Variants in COL12A1 observed in about 807,000 individuals in gnomAD.
COL12A1 encodes collagen alpha-1(XII) chain.
In COL12A1, 114 loss-of-function variants were observed where a neutral mutation model predicts 349.7. The observed-to-expected ratio is 0.33, with a 90% CI of 0.28 to 0.38. The LOEUF is 0.38. Ranked by LOEUF, COL12A1 falls within the 10% of genes least tolerant of loss-of-function variation. The probability of loss-of-function intolerance (pLI) is 1.00; values close to 1 mark genes in which losing one functional copy is unlikely to be tolerated. For missense variants in COL12A1, 3,284 were observed against 3,756.9 expected, an observed-to-expected ratio of 0.87 and a Z score of 3.29; for synonymous variants, 1,369 against 1,329.0, an observed-to-expected ratio of 1.03 and a Z score of -0.66.
intron 49 of COL12A1, 31 bp downstream of exon 49, chr6:75,115,753 G>T: frequency 6.4e-7 from 1 of 1,568,592 alleles, no homozygotes; most frequent in Non-Finnish European, 8.6e-7. Flanking sequence ...CAGGTCTTAA[G>T]AAAAGGAAAA....
chr6:75,189,124 A>T, intron 7 of COL12A1, 93 bp downstream of exon 7: 2 of 1,341,332 alleles, frequency 1.5e-6, no homozygotes, highest in Non-Finnish European at 2.0e-6. Flanking sequence ...TTCTAATAGC[A>T]TCCTTCCTTG....
chr6:75,134,072 C>G (rs1192283527), intron 32 of COL12A1, 75 bp from the exon 33 acceptor site: 2 of 1,495,398 alleles, frequency 1.3e-6, no homozygotes, highest in Non-Finnish European at 1.8e-6. Context: ...TCACTGATAT[C>G]TCCCAGGCAC....
At position 75,095,045 on chromosome 6, in the gene COL12A1, A is replaced by G; in HGVS notation, c.8649+63T>C. 4 of 1,403,466 alleles carry G rather than the reference A, an allele frequency of 2.9e-6. No individual in the cohort carries two copies. In the South Asian group the frequency reaches 3.5e-5, roughly 12 times the overall value. 86.9% of individuals were successfully genotyped at this position (1,403,466 alleles called of 1,614,324 possible). A position where few individuals can be genotyped will look rare whatever the true frequency, so the allele number is the denominator to read the frequency against. ...TAACCTAAATATAACAAAGCTTTGC[A>G]GTTCTCATTATTTATTTCCACGGTG... is the stretch of plus-strand genomic sequence containing the variant. On this transcript the variant is annotated intron_variant, in intron 60 of 65. Transcript: ENST00000322507.
chr6:75,097,133 G>A, intron 59 of COL12A1, 120 bp downstream of exon 59: 1 of 624,220 alleles, frequency 1.6e-6, no homozygotes, highest in Non-Finnish European at 2.7e-6. Context: ...TAAAAACACA[G>A]TTCCCTCAAT....
intron 39 of COL12A1, 95 bp downstream of exon 39, chr6:75,126,256 C>T: frequency 4.2e-6 from 6 of 1,413,554 alleles, no homozygotes; most frequent in Non-Finnish European, 5.7e-6. Context: ...TCTGAACTCT[C>T]AGGAGAACCC....
At chr6:75,173,175 G>A (rs1768727458) in intron 13 of COL12A1, among the ~76,000 whole-genome samples, 1 of 152,152 alleles carries the variant, frequency 6.6e-6, no homozygotes, top group Non-Finnish European at 1.5e-5. Context: ...GAAAGAGGGA[G>A]GATAATCATC....
chr6:75,118,252 C>T (rs185665163), intron 46 of COL12A1, among the ~76,000 whole-genome samples: 3 of 152,086 alleles, frequency 2.0e-5, no homozygotes, highest in East Asian at 3.9e-4. Context: ...AATGGCAATA[C>T]ATTTTATAAA....
chr6:75,175,199 G>T lies in COL12A1; in HGVS notation c.2549C>A (p.Pro850Gln). 3 of 1,614,128 alleles carry T rather than the reference G, an allele frequency of 1.9e-6. No individual in the cohort carries two copies. Among genetic ancestry groups the T allele is most frequent in the Non-Finnish European group, 2.5e-6 (3 of 1,180,022 alleles). Residue 850 changes from proline to glutamine, a missense_variant, in exon 13 of 66, where the codon CCA (proline) becomes CAA (glutamine). Physicochemically the swap from Pro to Gln is moderately conservative, Grantham distance 76. Around this residue, in one of 2 missense-constraint regions of COL12A1, gnomAD observed 2,601 missense variants for 2,824.8 expected, o/e 0.92. Transcript: ENST00000322507. ...CTCTTGAGTTTCACCCCCTGCCACTGGGGTATATGTGACGAGATACTGTTT... is the reference window on the plus strand; with the variant it reads ...CTCTTGAGTTTCACCCCCTGCCACTTGGGTATATGTGACGAGATACTGTTT... ...KVKQYLVTYTPVAGGETQEVT... is the reference protein window; with the variant it reads ...KVKQYLVTYTQVAGGETQEVT...
At chr6:75,170,249 G>A (rs1292355971) in intron 13 of COL12A1, among the ~76,000 whole-genome samples, 4 of 152,130 alleles carry the variant, frequency 2.6e-5, no homozygotes, top group Non-Finnish European at 4.4e-5. Context: ...GTTCCAGCCA[G>A]CTTTCATTGA....
At chr6:75,181,352 T>C (rs1299101674) in intron 10 of COL12A1, 141 bp from the exon 11 acceptor site, 2 of 795,960 alleles carry the variant, frequency 2.5e-6, no homozygotes, top group Non-Finnish European at 3.9e-6. Flanking sequence ...GGGTATCTCA[T>C]CTACATTTGA....
chr6:75,132,117 T>A (rs1766330468), intron 34 of COL12A1, 35 bp from the exon 35 acceptor site: 1 of 1,610,590 alleles, frequency 6.2e-7, no homozygotes, highest in Non-Finnish European at 8.5e-7. Flanking sequence ...ATTTTTTAAG[T>A]CTGTTTATAT....
chr6:75,132,157 A>T, intron 34 of COL12A1, 75 bp from the exon 35 acceptor site: 1 of 1,521,272 alleles, frequency 6.6e-7, no homozygotes. Flanking sequence ...CTTTTCCAGA[A>T]CCTACATTCT....
At chr6:75,142,527 C>T (rs1464859600) in intron 26 of COL12A1, among the ~76,000 whole-genome samples, 5 of 152,206 alleles carry the variant, frequency 3.3e-5, no homozygotes, top group Admixed American at 2.6e-4. Flanking sequence ...GTGAGATCCA[C>T]TGGCCATTGT....
chr6:75,174,392 T>TA (rs1768804634), intron 13 of COL12A1, among the ~76,000 whole-genome samples: 1 of 152,040 alleles, frequency 6.6e-6, no homozygotes, highest in Non-Finnish European at 1.5e-5. Context: ...CCGTCCCTAC[T>TA]AAAAATACAA....
At chr6:75,088,961 A>G in intron 64 of COL12A1, 145 bp downstream of exon 64, 2 of 644,638 alleles carry the variant, frequency 3.1e-6, no homozygotes, top group Admixed American at 6.3e-5. Context: ...AGATCGCGCC[A>G]CTGCACTCCA....
At position 75,095,095 on chromosome 6, in the gene COL12A1, G is replaced by A; in HGVS notation, c.8649+13C>T. 6.2e-7 allele frequency: 1 copy of A among 1,612,940 alleles called. No homozygotes were observed. Among genetic ancestry groups the A allele is most frequent in the Non-Finnish European group, 8.5e-7 (1 of 1,179,300 alleles). ...GAAACCACTGTCAGTAGACATGCAA[G>A]CTGTCCGCTTACTGGTCTGCCATGA... is the stretch of plus-strand genomic sequence containing the variant. On this transcript the variant is annotated intron_variant, in intron 60 of 65. Coordinates refer to ENST00000322507, the MANE Select transcript of COL12A1 (RefSeq NM_004370.6).
intron 60 of COL12A1, among the ~76,000 whole-genome samples, chr6:75,093,122 T>C (rs1767852920): frequency 1.3e-5 from 2 of 152,194 alleles, no homozygotes; most frequent in South Asian, 4.1e-4. Context: ...TCTAACCCCT[T>C]ACTCTGTTTC....
rs937375842 is a variant in COL12A1, at chr6:75,138,237, T to C, written c.5251+83A>G. 1.3e-5 allele frequency: 17 copies of C among 1,345,318 alleles called. No individual in the cohort carries two copies. In the Admixed American group the frequency reaches 1.7e-4, roughly 13 times the overall value. 83.3% of individuals were successfully genotyped at this position (1,345,318 alleles called of 1,614,324 possible). A position where few individuals can be genotyped will look rare whatever the true frequency, so the allele number is the denominator to read the frequency against. The stretch of plus-strand genomic sequence containing the variant: ...AGGATTTAAAAGCAGATGACCTATT[T>C]ATTATGTATCTTATGGTACTTTTCA... On this transcript the variant is annotated intron_variant, in intron 30 of 65. Coordinates refer to ENST00000322507, the MANE Select transcript of COL12A1 (RefSeq NM_004370.6).
chr6:75,138,288 C>A lies in COL12A1; in HGVS notation c.5251+32G>T. On this transcript the variant is annotated intron_variant, in intron 30 of 65. Transcript: ENST00000322507. Reference sequence around the variant, plus strand: ...TTTATACATTCATTCATTATTTGTTCATTCAAACAATTCATCAAATTAAAT... The same window carrying A: ...TTTATACATTCATTCATTATTTGTTAATTCAAACAATTCATCAAATTAAAT... 3.2e-6 allele frequency: 5 copies of A among 1,575,506 alleles called. No homozygotes were observed. In the South Asian group the frequency reaches 5.7e-5, roughly 18 times the overall value.
Sources: gnomAD v4.1 joint callset for allele counts (sites outside exome capture counted in the v4.1 genomes callset) on GRCh38, gnomAD v4.1.1 for gene constraint, gnomAD v4.1.1 regional missense constraint, MANE v1.5 for transcripts, NCBI Gene and HGNC (gene_info 2026-07-23, HGNC 2026-07-21) for gene names.